Variants in SOX6 observed in about 807,000 individuals in gnomAD.
SOX6 encodes the protein transcription factor SOX-6.
In SOX6, 11 loss-of-function variants were observed where a neutral mutation model predicts 97.8. The observed-to-expected ratio is 0.11, with a 90% CI of 0.07 to 0.19. The LOEUF is 0.19. Among genes scored for constraint, SOX6 ranks in the 10% least tolerant of loss-of-function variants. SOX6 has a pLI of 1.00. For synonymous variants in SOX6, 360 were observed against 371.4 expected (o/e 0.97, Z 0.35); for missense variants, 810 against 1,039.5 (o/e 0.78, Z 3.04).
At chr11:16,301,841 A>T (rs1855267982) in intron 3 of SOX6, among the ~76,000 whole-genome samples, 1 of 152,124 alleles carries the variant, frequency 6.6e-6, no homozygotes, top group Non-Finnish European at 1.5e-5. Flanking sequence ...ATCTCTTCTA[A>T]TCTCCAAGTC....
intron 1 of SOX6, among the ~76,000 whole-genome samples, chr11:16,388,743 G>GT (rs772575699): frequency 2.6e-5 from 4 of 152,026 alleles, no homozygotes; most frequent in Non-Finnish European, 5.9e-5. Flanking sequence ...ATATTGGTAA[G>GT]TTGTGTTTCT....
At chr11:16,674,531 T>C (rs988830571) in intron 3 of SOX6, among the ~76,000 whole-genome samples, 29 of 152,196 alleles carry the variant, frequency 1.9e-4, no homozygotes, top group African/African-American at 6.8e-4. Flanking sequence ...TTCAACGTAG[T>C]ACTGAAGTCC....
chr11:16,291,229 T>TTATATATATATATATATATATATA (rs10529279), intron 3 of SOX6, among the ~76,000 whole-genome samples: 2 of 143,592 alleles, frequency 1.4e-5, no homozygotes, highest in African/African-American at 5.3e-5. Context: ...TTCTATAAAT[T>TTATATATATATATATATATATATA]TATATATATA....
intron 9 of SOX6, among the ~76,000 whole-genome samples, chr11:16,087,837 C>T (rs776664382): frequency 6.6e-6 from 1 of 152,072 alleles, no homozygotes; most frequent in Non-Finnish European, 1.5e-5. Flanking sequence ...TTCATTGATA[C>T]GTCCCCACTA....
In SOX6 at chr11:16,690,899, C is replaced by T. The variant is rs74673150; in HGVS notation, n.429+23931G>A. 8.5e-4 allele frequency among the ~76,000 whole-genome samples: 130 copies of T among 152,120 alleles called. 3 individuals carry two copies. The East Asian group carries it at 0.023, about 27-fold the overall frequency. On this transcript the variant is annotated intron_variant and non_coding_transcript_variant, in intron 3 of 5. Coordinates refer to the SOX6 transcript ENST00000524520. ...GTAAGGAAATACTTTTTTAAAAATCCATAAGTGATTCAAATAGAGGTCAAA... is the reference window on the plus strand; with the variant it reads ...GTAAGGAAATACTTTTTTAAAAATCTATAAGTGATTCAAATAGAGGTCAAA...
chr11:16,446,872 TTTCC>T (rs201183195), intron 1 of SOX6, among the ~76,000 whole-genome samples: 2,572 of 151,992 alleles, frequency 0.017, 85 homozygotes, highest in African/African-American at 0.059. Flanking sequence ...GAGGGTCTGT[TTTCC>T]TTCCTTCCTT....
intron 9 of SOX6, among the ~76,000 whole-genome samples, chr11:16,060,809 TGTG>T (rs963672205): frequency 3.3e-5 from 5 of 151,878 alleles, no homozygotes; most frequent in African/African-American, 9.7e-5. Flanking sequence ...GCACTTTTCT[TGTG>T]GTGTTTATCA....
At position 16,097,694 on chromosome 11, in the gene SOX6, G is replaced by C. The variant is rs757639586; in HGVS notation, c.899-6C>G. ...CTGTACGGGGTAGTTATCACCTGTC[G>C]GAAAGAACAATGCATACAGGTTTAG... On this transcript the variant is annotated splice_polypyrimidine_tract_variant and splice_region_variant and intron_variant, in intron 7 of 15. Coordinates refer to ENST00000683767, the MANE Select transcript of SOX6 (RefSeq NM_001367873.1). 1.2e-6 allele frequency: 2 copies of C among 1,609,728 alleles called. No individual in the cohort carries two copies. The highest frequency in any genetic ancestry group is 1.3e-5 in the African/African-American group (1 of 74,638).
intron 4 of SOX6, among the ~76,000 whole-genome samples, chr11:16,208,743 T>C (rs1353095931): frequency 6.6e-6 from 1 of 152,228 alleles, no homozygotes; most frequent in African/African-American, 2.4e-5. Flanking sequence ...TGTCAACATT[T>C]GGAAGTTCTA....
chr11:16,708,785 C>T (rs1426688806), intron 3 of SOX6, among the ~76,000 whole-genome samples: 1 of 152,166 alleles, frequency 6.6e-6, no homozygotes, highest in East Asian at 1.9e-4. Context: ...TTTAAAATGG[C>T]TCTAGACAAA....
intron 13 of SOX6, among the ~76,000 whole-genome samples, chr11:16,005,057 G>T (rs976856136): frequency 6.6e-6 from 1 of 151,998 alleles, no homozygotes; most frequent in Admixed American, 6.6e-5. Context: ...AACAGAAGTA[G>T]TAGAATGCTT....
Position 16,684,364 on chromosome 11 carries a change from T to C in SOX6, n.429+30466A>G, listed in dbSNP as rs1590051179. ...CATCAATGATAGATGGATTAAGAAA[T>C]TGTGGCACATATACACCATGGAATA... On this transcript the variant is annotated intron_variant and non_coding_transcript_variant, in intron 3 of 5. Transcript: ENST00000524520. Among the ~76,000 whole-genome samples the C allele has an allele frequency of 1.3e-5, 2 of 152,120 alleles. 1 individual carries two copies.
At chr11:16,407,345 A>G (rs1431573156) in intron 1 of SOX6, among the ~76,000 whole-genome samples, 5 of 152,170 alleles carry the variant, frequency 3.3e-5, no homozygotes, top group African/African-American at 1.2e-4. Flanking sequence ...AAAAACATAC[A>G]AAGAAAATTG....
In SOX6 at chr11:16,026,384, C is replaced by T. The variant is rs146083761; in HGVS notation, c.1624-11334G>A. Among the ~76,000 whole-genome samples, 50 of 152,164 alleles carry T rather than the reference C, an allele frequency of 3.3e-4. No individual in the cohort carries two copies. In the East Asian group the frequency reaches 7.5e-3, roughly 23 times the overall value. On this transcript the variant is annotated intron_variant, in intron 12 of 15. Transcript: ENST00000683767. Reference sequence around the variant, plus strand: ...GCTACTTCTGAAGTTCCGTGGCCACCATAGTCAAAAGCAATAGAAGGGAAG... The same window carrying T: ...GCTACTTCTGAAGTTCCGTGGCCACTATAGTCAAAAGCAATAGAAGGGAAG...
intron 4 of SOX6, among the ~76,000 whole-genome samples, chr11:16,502,025 C>T (rs371171672): frequency 9.2e-5 from 14 of 151,954 alleles, no homozygotes; most frequent in East Asian, 1.9e-4. Context: ...ATGTTTATTG[C>T]GGCACTATTC....
At chr11:16,340,218 C>T (rs1038282066) in intron 2 of SOX6, among the ~76,000 whole-genome samples, 2 of 152,040 alleles carry the variant, frequency 1.3e-5, no homozygotes, top group Non-Finnish European at 2.9e-5. Flanking sequence ...TTTTCATTAA[C>T]TTAATTTTTG....
chr11:16,059,088 C>CT (rs1847887644), intron 9 of SOX6, among the ~76,000 whole-genome samples: 1 of 152,016 alleles, frequency 6.6e-6, no homozygotes, highest in African/African-American at 2.4e-5. Flanking sequence ...TCAGCTTTCT[C>CT]TTTTTTACTA....
intron 4 of SOX6, among the ~76,000 whole-genome samples, chr11:16,229,495 T>C (rs149247045): frequency 2.6e-5 from 4 of 152,062 alleles, no homozygotes; most frequent in East Asian, 1.9e-4. Context: ...AACTGGATTA[T>C]TGGGGGAGGT....
chr11:16,413,512 CTTTTTTTTT>C (rs752774148), intron 1 of SOX6, among the ~76,000 whole-genome samples: 1 of 76,226 alleles, frequency 1.3e-5, no homozygotes, highest in African/African-American at 5.4e-5. Flanking sequence ...AAGACTTCTA[CTTTTTTTTT>C]TTTTTTTTTT....
Sources: gnomAD v4.1 joint callset for allele counts (sites outside exome capture counted in the v4.1 genomes callset) on GRCh38, gnomAD v4.1.1 for gene constraint, MANE v1.5 for transcripts, NCBI Gene and HGNC (gene_info 2026-07-23, HGNC 2026-07-21) for gene names.